Variants in FGF10 observed in about 807,000 individuals in gnomAD.
FGF10 encodes fibroblast growth factor 10, also known as FGF-10.
A neutral mutation model predicts 19.8 loss-of-function variants in FGF10; 2 were observed. The ratio of observed to expected loss-of-function variants is 0.10; its 90% CI spans 0.04 to 0.32. The LOEUF (loss-of-function observed/expected upper bound fraction) is 0.32, where lower values mean the gene tolerates loss of function less well. Among genes scored for constraint, FGF10 ranks in the 10% least tolerant of loss-of-function variants. FGF10 has a pLI of 1.00. For synonymous variants in FGF10, 112 were observed against 94.0 expected, an observed-to-expected ratio of 1.19 and a Z score of -1.10; for missense variants, 191 against 246.3, an observed-to-expected ratio of 0.78 and a Z score of 1.50.
chr5:44,325,220 A>T (rs4498258), intron 1 of FGF10, among the ~76,000 whole-genome samples: 44,805 of 151,992 alleles, frequency 0.29, 7,035 homozygotes, highest in Admixed American at 0.46. Flanking sequence ...GCGGTCATTA[A>T]AAAGTCAGGA....
At chr5:44,313,502 T>C (rs747846418) in intron 1 of FGF10, among the ~76,000 whole-genome samples, 3 of 151,894 alleles carry the variant, frequency 2.0e-5, no homozygotes, top group Non-Finnish European at 4.4e-5. Context: ...TGGAGGAAAG[T>C]GAGTTAAGGG....
chr5:44,305,226 G>A (rs778350335), intron 2 of FGF10, 34 bp from the exon 3 acceptor site: 10 of 1,586,834 alleles, frequency 6.3e-6, no homozygotes, highest in African/African-American at 1.3e-5. Flanking sequence ...TTATTCCTAT[G>A]GTGATTGTAC....
At chr5:44,376,305 G>C (rs1472449586) in intron 1 of FGF10, among the ~76,000 whole-genome samples, 2 of 151,712 alleles carry the variant, frequency 1.3e-5, no homozygotes, top group African/African-American at 4.8e-5. Flanking sequence ...CAAGAAGTCT[G>C]ACTCAAGAGC....
At chr5:44,344,373 T>C (rs1338044022) in intron 1 of FGF10, among the ~76,000 whole-genome samples, 1 of 151,962 alleles carries the variant, frequency 6.6e-6, no homozygotes, top group Non-Finnish European at 1.5e-5. Flanking sequence ...TAAGCAATTG[T>C]ATTTGTTACT....
At chr5:44,349,589 T>C (rs1741190796) in intron 1 of FGF10, among the ~76,000 whole-genome samples, 2 of 147,684 alleles carry the variant, frequency 1.4e-5, no homozygotes, top group Non-Finnish European at 1.5e-5. Context: ...AAGTTAGATA[T>C]GGCCAAAGTG....
chr5:44,388,659 A>G lies in FGF10; in HGVS notation c.24T>C (p.His8=), dbSNP rs1283143564. The change falls in exon 1 of 3, where the codon CAT becomes CAC. Residue 8 remains histidine (H), a synonymous_variant. Coordinates refer to ENST00000264664, the MANE Select transcript of FGF10 (RefSeq NM_004465.2). MWKWILT[H]CASAFPHLPG... is the part of the protein sequence containing the mutation. ...GCAGGTGGGGAAAGGCTGAGGCACAATGTGTCAGTATCCATTTCCACATTG... is the reference window on the plus strand; with the variant it reads ...GCAGGTGGGGAAAGGCTGAGGCACAGTGTGTCAGTATCCATTTCCACATTG... 1.9e-6 allele frequency: 3 copies of G among 1,613,926 alleles called. No individual in the cohort carries two copies. The highest frequency in any genetic ancestry group is 3.3e-5 in the Admixed American group (2 of 59,990).
intron 1 of FGF10, among the ~76,000 whole-genome samples, chr5:44,317,753 A>G (rs1740383031): frequency 6.6e-6 from 1 of 152,072 alleles, no homozygotes. Flanking sequence ...CCTCACTGGT[A>G]GAGATTTTTT....
At chr5:44,309,148 A>T (rs1185727052) in intron 2 of FGF10, among the ~76,000 whole-genome samples, 1 of 152,190 alleles carries the variant, frequency 6.6e-6, no homozygotes. Context: ...TATTTAAAAG[A>T]TTTGTGTCAC....
intron 1 of FGF10, among the ~76,000 whole-genome samples, chr5:44,378,311 T>A (rs191394913): frequency 2.0e-4 from 30 of 152,340 alleles, no homozygotes; most frequent in Non-Finnish European, 3.4e-4. Context: ...CATTTTGGAT[T>A]TGAGAATTTT....
chr5:44,376,237 A>T (rs887497079), intron 1 of FGF10, among the ~76,000 whole-genome samples: 2 of 151,982 alleles, frequency 1.3e-5, no homozygotes, highest in Admixed American at 6.6e-5. Flanking sequence ...AGACCCAGGG[A>T]GTAACTTGGC....
intron 1 of FGF10, among the ~76,000 whole-genome samples, chr5:44,343,697 T>G (rs1441475003): frequency 6.6e-6 from 1 of 152,040 alleles, no homozygotes; most frequent in African/African-American, 2.4e-5. Context: ...GGCCTCAGAC[T>G]TAGATTCTTT....
intron 1 of FGF10, among the ~76,000 whole-genome samples, chr5:44,369,337 A>C (rs1741692870): frequency 6.6e-6 from 1 of 152,090 alleles, no homozygotes; most frequent in Non-Finnish European, 1.5e-5. Context: ...GAAACTATAG[A>C]ATCTCGTCAA....
chr5:44,388,923 G>A lies in FGF10; in HGVS notation c.-241C>T, dbSNP rs879221494. ...CCTCTGGAGCCTCCCGGTAAATGGTGGACGTGGGTGGCCGCAGCAGCAGGA... is the reference window on the plus strand; with the variant it reads ...CCTCTGGAGCCTCCCGGTAAATGGTAGACGTGGGTGGCCGCAGCAGCAGGA... On this transcript the variant is annotated 5_prime_UTR_variant, in exon 1 of 3. Coordinates refer to ENST00000264664, the MANE Select transcript of FGF10 (RefSeq NM_004465.2). 33 of 584,270 alleles carry A rather than the reference G, an allele frequency of 5.6e-5. No individual in the cohort carries two copies. Among genetic ancestry groups the A allele is most frequent in the South Asian group, 5.5e-4 (28 of 51,044 alleles). 36.2% of individuals were successfully genotyped at this position (584,270 alleles called of 1,614,324 possible). A position where few individuals can be genotyped will look rare whatever the true frequency, so the allele number is the denominator to read the frequency against.
intron 2 of FGF10, 35 bp downstream of exon 2, chr5:44,310,392 T>C (rs1740183993): frequency 7.1e-7 from 1 of 1,406,102 alleles, no homozygotes; most frequent in Non-Finnish European, 1.0e-6. Context: ...AATGGTTTAC[T>C]GGAGTGGATT....
intron 1 of FGF10, among the ~76,000 whole-genome samples, chr5:44,375,197 A>T (rs1390647283): frequency 1.3e-5 from 2 of 152,178 alleles, no homozygotes; most frequent in Non-Finnish European, 2.9e-5. Context: ...CATGCATGTA[A>T]AAGTCAGTGA....
Position 44,303,791 on chromosome 5 carries a change from C to T in FGF10, c.*1204G>A, listed in dbSNP as rs769274768. On this transcript the variant is annotated 3_prime_UTR_variant, in exon 3 of 3. Transcript: ENST00000264664. ...ATATTTGATTTGCTCAGTTTAAGCC[C>T]CTGGGAGAGTTGCGCTTCATACCAA... 2.6e-5 allele frequency: 4 copies of T among 151,980 alleles called. No homozygotes were observed. Among genetic ancestry groups the T allele is most frequent in the Non-Finnish European group, 4.4e-5 (3 of 67,996 alleles). 9.4% of individuals were successfully genotyped at this position (151,980 alleles called of 1,614,324 possible).
intron 1 of FGF10, among the ~76,000 whole-genome samples, chr5:44,349,453 T>TATATATATCAGA (rs1554038160): frequency 4.4e-3 from 101 of 23,058 alleles, no homozygotes; most frequent in South Asian, 0.013. Flanking sequence ...TATATATATA[T>TATATATATCAGA]ATATATATAT....
At chr5:44,370,649 C>T (rs1741721836) in intron 1 of FGF10, among the ~76,000 whole-genome samples, 1 of 152,116 alleles carries the variant, frequency 6.6e-6, no homozygotes. Context: ...GCCTCAGCTC[C>T]ATAAAAGCTC....
Position 44,388,625 on chromosome 5 carries a change from AGCAGCC to A in FGF10, c.52_57del (p.Gly18_Cys19del). On this transcript the variant is annotated inframe_deletion, in exon 1 of 3. Transcript: ENST00000264664. ...AACAGCAACAAAAAGCAGCAGCAGC[AGCAGCC>A]GGGCAGGTGGGGAAAGGCTGAGGCA... The A allele has an allele frequency of 6.2e-7, 1 of 1,614,160 alleles. No individual in the cohort carries two copies. The highest frequency in any genetic ancestry group is 8.5e-7 in the Non-Finnish European group (1 of 1,180,034).
Sources: gnomAD v4.1 joint callset for allele counts (sites outside exome capture counted in the v4.1 genomes callset) on GRCh38, gnomAD v4.1.1 for gene constraint, MANE v1.5 for transcripts, NCBI Gene and HGNC (gene_info 2026-07-23, HGNC 2026-07-21) for gene names.